Variants in MAF observed in about 807,000 individuals in gnomAD.
MAF encodes MAF bZIP transcription factor, also known as transcription factor Maf.
Under a neutral mutation model 22.0 loss-of-function variants are expected in MAF, and 10 were observed. The ratio of observed to expected loss-of-function variants is 0.45; its 90% CI spans 0.28 to 0.77. The LOEUF (loss-of-function observed/expected upper bound fraction) is 0.77, where lower values mean the gene tolerates loss of function less well. MAF is among the 30% of genes least tolerant of loss of function. The pLI is 0.12. For synonymous variants in MAF, 337 were observed against 255.8 expected (o/e 1.32, Z -3.03); for missense variants, 544 against 548.4 (o/e 0.99, Z 0.08).
chr16:79,208,705 C>G, the MAF span, among the ~76,000 whole-genome samples: 1 of 151,836 alleles, frequency 6.6e-6, no homozygotes, highest in Admixed American at 6.6e-5. Flanking sequence ...TGAGATTTCA[C>G]TAATGTGCCT....
chr16:79,585,109 T>A (rs976912085), downstream of MAF, among the ~76,000 whole-genome samples: 1 of 152,206 alleles, frequency 6.6e-6, no homozygotes, highest in African/African-American at 2.4e-5. Context: ...GTGATAAGAA[T>A]ACATAAAACT....
At chr16:79,435,073 ACT>A in the MAF span, among the ~76,000 whole-genome samples, 2 of 152,112 alleles carry the variant, frequency 1.3e-5, no homozygotes, top group African/African-American at 2.4e-5. Flanking sequence ...ATCAACGAAG[ACT>A]CTGTTTTGTC....
intron 1 of MAF, 184 bp downstream of exon 1, chr16:79,598,601 T>TG (rs1555529710): frequency 4.0e-6 from 6 of 1,484,034 alleles, no homozygotes; most frequent in African/African-American, 1.4e-5. Context: ...TGTGTGTGTG[T>TG]GTGTGTGTGG....
chr16:79,338,500 C>T, the MAF span, among the ~76,000 whole-genome samples: 1 of 152,156 alleles, frequency 6.6e-6, no homozygotes, highest in African/African-American at 2.4e-5. Context: ...TTAGGCAAAT[C>T]TCGCGGTTAA....
chr16:79,365,649 A>G, the MAF span, among the ~76,000 whole-genome samples: 1 of 152,022 alleles, frequency 6.6e-6, no homozygotes, highest in Admixed American at 6.5e-5. Context: ...ACTGGTATGT[A>G]TGTGGATTGG....
chr16:79,489,495 T>C, the MAF span, among the ~76,000 whole-genome samples: 35 of 152,338 alleles, frequency 2.3e-4, no homozygotes, highest in African/African-American at 7.5e-4. Flanking sequence ...CAAGCAATCT[T>C]ACTGCATGAG....
At chr16:79,419,244 T>C in the MAF span, among the ~76,000 whole-genome samples, 7 of 151,990 alleles carry the variant, frequency 4.6e-5, no homozygotes, top group African/African-American at 1.5e-4. Context: ...CAGCCTCCCA[T>C]AGAGGGAGGA....
chr16:79,349,860 CAT>C, the MAF span, among the ~76,000 whole-genome samples: 6 of 152,140 alleles, frequency 3.9e-5, no homozygotes, highest in Non-Finnish European at 7.3e-5. Context: ...CTCAGCACAC[CAT>C]ATTCTCCCTC....
chr16:79,441,505 C>T, the MAF span, among the ~76,000 whole-genome samples: 1 of 152,138 alleles, frequency 6.6e-6, no homozygotes, highest in Admixed American at 6.5e-5. Flanking sequence ...CATGGGGTGG[C>T]TGTATTTTAA....
At chr16:79,244,832 A>G in the MAF span, among the ~76,000 whole-genome samples, 1 of 152,108 alleles carries the variant, frequency 6.6e-6, no homozygotes, top group Non-Finnish European at 1.5e-5. Context: ...ACATGGCTAC[A>G]GTAACAAAAC....
chr16:79,235,664 A>C, the MAF span, among the ~76,000 whole-genome samples: 1 of 152,206 alleles, frequency 6.6e-6, no homozygotes, highest in East Asian at 1.9e-4. Context: ...CTACGGTAAT[A>C]GAAGGAGAAA....
At chr16:79,253,153 C>G in the MAF span, among the ~76,000 whole-genome samples, 3 of 152,146 alleles carry the variant, frequency 2.0e-5, no homozygotes, top group Non-Finnish European at 2.9e-5. Context: ...ATAGCTGTGA[C>G]CTTTGCAAGG....
Position 79,594,165 on chromosome 16 carries a change from G to T in MAF, c.*295C>A. The T allele has an allele frequency of 2.4e-6, 1 of 417,768 alleles. No individual in the cohort carries two copies. Among genetic ancestry groups the T allele is most frequent in the Non-Finnish European group, 4.4e-6 (1 of 226,150 alleles). The allele number at this position is 417,768 out of a possible 1,614,324, so 25.9% of individuals were successfully genotyped here. On this transcript the variant is annotated 3_prime_UTR_variant, in exon 2 of 2. Coordinates refer to ENST00000326043, the MANE Select transcript of MAF (RefSeq NM_005360.5). Reference sequence around the variant, plus strand: ...TTCCATTATATATATGCATATATATGTATCTTTGTAATTTCAGTGAATTTT... The same window carrying T: ...TTCCATTATATATATGCATATATATTTATCTTTGTAATTTCAGTGAATTTT...
the MAF span, among the ~76,000 whole-genome samples, chr16:79,283,910 T>C: frequency 1.4e-5 from 2 of 147,842 alleles, no homozygotes; most frequent in South Asian, 4.3e-4. Context: ...GGAGCTAATC[T>C]GCTTCACTCA....
At chr16:79,266,347 T>C in the MAF span, among the ~76,000 whole-genome samples, 4 of 152,126 alleles carry the variant, frequency 2.6e-5, no homozygotes, top group African/African-American at 9.7e-5. Flanking sequence ...AGGAAAACCA[T>C]GGATAAGGGG....
chr16:79,390,541 C>A, the MAF span, among the ~76,000 whole-genome samples: 3 of 152,288 alleles, frequency 2.0e-5, no homozygotes, highest in East Asian at 5.8e-4. Context: ...CTTTTTACAA[C>A]TGCTAACAAT....
chr16:79,448,619 G>T, the MAF span, among the ~76,000 whole-genome samples: 4 of 151,896 alleles, frequency 2.6e-5, no homozygotes, highest in South Asian at 2.1e-4. Context: ...TAGAGACAGG[G>T]TTTCACTATG....
At chr16:79,248,637 T>TA in the MAF span, among the ~76,000 whole-genome samples, 1 of 152,198 alleles carries the variant, frequency 6.6e-6, no homozygotes, top group African/African-American at 2.4e-5. Context: ...CATTTTCACT[T>TA]AAAAAATATT....
At chr16:79,471,756 A>T in the MAF span, among the ~76,000 whole-genome samples, 1 of 152,240 alleles carries the variant, frequency 6.6e-6, no homozygotes, top group Non-Finnish European at 1.5e-5. Flanking sequence ...TGCCTAGGAC[A>T]GCTGATAAGT....
Sources: gnomAD v4.1 joint callset for allele counts (sites outside exome capture counted in the v4.1 genomes callset) on GRCh38, gnomAD v4.1.1 for gene constraint, MANE v1.5 for transcripts, NCBI Gene and HGNC (gene_info 2026-07-23, HGNC 2026-07-21) for gene names.